The following FRMD6 variants were observed in gnomAD, a reference collection of about 807,000 sequenced individuals.
The protein encoded by FRMD6 is FERM domain containing 6, also known as FERM domain-containing protein 6.
A neutral mutation model predicts 73.2 loss-of-function variants in FRMD6; 37 were observed. That is an observed-to-expected ratio of 0.51 (90% CI 0.39 to 0.66). FRMD6 has a LOEUF of 0.66. FRMD6 is among the 30% of genes least tolerant of loss of function. FRMD6 has a pLI of 0.00. For missense variants in FRMD6, 714 were observed against 780.5 expected (o/e 0.91, Z 1.02); for synonymous variants, 273 against 282.2 (o/e 0.97, Z 0.33).
intron 1 of FRMD6, among the ~76,000 whole-genome samples, chr14:51,560,267 A>G (rs1465237613): frequency 2.6e-5 from 4 of 152,218 alleles, no homozygotes; most frequent in Non-Finnish European, 5.9e-5. Flanking sequence ...ATCCTTATTT[A>G]AATTTTCTCT....
intron 10 of FRMD6, among the ~76,000 whole-genome samples, chr14:51,719,678 A>G (rs929289009): frequency 4.5e-4 from 69 of 152,334 alleles, no homozygotes; most frequent in African/African-American, 1.7e-3. Flanking sequence ...ACAAAATCAC[A>G]TTGGTGGCTG....
At chr14:51,544,529 G>T (rs942006197) in intron 1 of FRMD6, among the ~76,000 whole-genome samples, 17 of 151,906 alleles carry the variant, frequency 1.1e-4, no homozygotes, top group South Asian at 4.1e-4. Flanking sequence ...GAGCTGTTGA[G>T]GAATTTTCCT....
intron 1 of FRMD6, among the ~76,000 whole-genome samples, chr14:51,524,336 T>C (rs1885112587): frequency 1.3e-5 from 2 of 152,208 alleles, no homozygotes; most frequent in South Asian, 2.1e-4. Context: ...CAAAACATAG[T>C]AGTCACTCAA....
chr14:51,623,427 C>T (rs1891004347), intron 2 of FRMD6, among the ~76,000 whole-genome samples: 2 of 152,140 alleles, frequency 1.3e-5, no homozygotes, highest in South Asian at 4.1e-4. Context: ...GAAACCTAGA[C>T]CTCTGGTTGG....
chr14:51,624,997 G>C (rs1891063988), intron 2 of FRMD6, among the ~76,000 whole-genome samples: 1 of 152,184 alleles, frequency 6.6e-6, no homozygotes, highest in African/African-American at 2.4e-5. Context: ...GATAATGAAA[G>C]TTATATTGTA....
intron 1 of FRMD6, among the ~76,000 whole-genome samples, chr14:51,668,223 A>G (rs1050513310): frequency 3.3e-5 from 5 of 152,210 alleles, no homozygotes; most frequent in Admixed American, 2.0e-4. Context: ...TAGGAAAGGG[A>G]TATGAAAGTA....
intron 1 of FRMD6, among the ~76,000 whole-genome samples, chr14:51,569,236 C>CA (rs1380188707): frequency 1.3e-5 from 2 of 152,148 alleles, no homozygotes; most frequent in Admixed American, 1.3e-4. Context: ...GTATGGTTCT[C>CA]AGAGTTTCCC....
intron 2 of FRMD6, among the ~76,000 whole-genome samples, chr14:51,594,067 T>A (rs1358334267): frequency 6.6e-6 from 1 of 152,146 alleles, no homozygotes; most frequent in African/African-American, 2.4e-5. Flanking sequence ...CTAGATGAAC[T>A]CACGACATTT....
intron 1 of FRMD6, among the ~76,000 whole-genome samples, chr14:51,569,342 C>T (rs572164165): frequency 2.0e-5 from 3 of 152,214 alleles, no homozygotes; most frequent in Non-Finnish European, 2.9e-5. Flanking sequence ...AAAAAAGAAA[C>T]GGTAACCAAA....
intron 1 of FRMD6, among the ~76,000 whole-genome samples, chr14:51,561,464 C>T (rs1312253268): frequency 4.6e-5 from 7 of 152,210 alleles, no homozygotes; most frequent in Non-Finnish European, 7.3e-5. Context: ...ACTACCAGTG[C>T]TCAGGGAGCA....
chr14:51,424,043 T>C, the FRMD6 span, among the ~76,000 whole-genome samples: 2 of 152,240 alleles, frequency 1.3e-5, no homozygotes, highest in Non-Finnish European at 2.9e-5. Flanking sequence ...TTGTATGTCA[T>C]ATGGTTTAGG....
chr14:51,512,405 A>G lies in FRMD6; in HGVS notation c.-210+22985A>G, dbSNP rs111741852. On this transcript the variant is annotated intron_variant, in intron 1 of 14. Transcript: ENST00000356218. The stretch of plus-strand genomic sequence containing the variant: ...ACTAGAATTATGATGAAGGGTGTAG[A>G]TGCTAAGCTTGTCACCCTAGTGCAG... Among the ~76,000 whole-genome samples, 679 of 152,288 alleles carry G rather than the reference A, an allele frequency of 4.5e-3. 3 individuals carry two copies. Among genetic ancestry groups the G allele is most frequent in the African/African-American group, 0.016 (656 of 41,546 alleles).
At chr14:51,418,695 C>A in the FRMD6 span, among the ~76,000 whole-genome samples, 3 of 152,216 alleles carry the variant, frequency 2.0e-5, no homozygotes, top group African/African-American at 7.2e-5. Context: ...CTGGGAGAAC[C>A]ACTGCTCTCT....
At chr14:51,591,621 C>A (rs560557795) in intron 2 of FRMD6, among the ~76,000 whole-genome samples, 3 of 152,268 alleles carry the variant, frequency 2.0e-5, no homozygotes, top group African/African-American at 7.2e-5. Flanking sequence ...CAGCTCACTG[C>A]GACCTCTGCC....
the FRMD6 span, among the ~76,000 whole-genome samples, chr14:51,447,390 A>C: frequency 6.6e-6 from 1 of 152,166 alleles, no homozygotes; most frequent in Admixed American, 6.5e-5. Flanking sequence ...CATGGGAATC[A>C]GTGTTCTTCT....
the FRMD6 span, among the ~76,000 whole-genome samples, chr14:51,438,946 A>G: frequency 6.6e-6 from 1 of 152,226 alleles, no homozygotes; most frequent in Non-Finnish European, 1.5e-5. Flanking sequence ...TAACTGTCCC[A>G]GCTCTCTGGT....
In FRMD6 at chr14:51,701,167, T is replaced by C. The variant is rs765044342; in HGVS notation, c.294+8T>C. 4 of 1,493,524 alleles carry C rather than the reference T, an allele frequency of 2.7e-6. No individual in the cohort carries two copies. In the South Asian group the frequency reaches 5.1e-5, roughly 19 times the overall value. 92.5% of individuals were successfully genotyped at this position (1,493,524 alleles called of 1,614,324 possible). A position where few individuals can be genotyped will look rare whatever the true frequency, so the allele number is the denominator to read the frequency against. On this transcript the variant is annotated splice_region_variant and intron_variant, in intron 4 of 13. Coordinates refer to ENST00000344768, the MANE Select transcript of FRMD6 (RefSeq NM_001267046.2). ...CAATACGAAGTCACTTGGGTGAGAT[T>C]ACATTTATAAGCAAAATTATTTTGA...
intron 2 of FRMD6, among the ~76,000 whole-genome samples, chr14:51,605,390 T>C (rs925236377): frequency 1.3e-5 from 2 of 152,170 alleles, no homozygotes; most frequent in African/African-American, 4.8e-5. Context: ...ACTTTACATA[T>C]ATTTGCATTA....
the FRMD6 span, among the ~76,000 whole-genome samples, chr14:51,437,333 C>T: frequency 6.6e-6 from 1 of 152,166 alleles, no homozygotes; most frequent in Non-Finnish European, 1.5e-5. Flanking sequence ...GATGGAGTCT[C>T]GCTCTGTCGC....
Sources: allele counts gnomAD v4.1 joint callset (sites outside exome capture counted in the v4.1 genomes callset), GRCh38; gene constraint gnomAD v4.1.1; transcripts MANE v1.5; gene names NCBI Gene and HGNC (gene_info 2026-07-23, HGNC 2026-07-21).